NECTIN2: variants seen among roughly 807,000 people sequenced by gnomAD.
NECTIN2 encodes nectin cell adhesion molecule 2, also known as nectin-2.
A neutral mutation model predicts 56.9 loss-of-function variants in NECTIN2; 23 were observed. The ratio of observed to expected loss-of-function variants is 0.40; its 90% CI spans 0.29 to 0.57. The LOEUF (loss-of-function observed/expected upper bound fraction) is 0.57, where lower values mean the gene tolerates loss of function less well. Among genes scored for constraint, NECTIN2 ranks in the 20% least tolerant of loss-of-function variants. The probability of loss-of-function intolerance (pLI) is 0.38; values close to 1 mark genes in which losing one functional copy is unlikely to be tolerated. For missense variants in NECTIN2, 587 were observed against 718.3 expected, an observed-to-expected ratio of 0.82 and a Z score of 2.09; for synonymous variants, 302 against 313.8, an observed-to-expected ratio of 0.96 and a Z score of 0.40.
In NECTIN2 at chr19:44,865,144, TG is replaced by T. The variant is rs1969082259; in HGVS notation, c.89-126del. 9.6e-7 allele frequency: 1 copy of T among 1,038,078 alleles called. No individual in the cohort carries two copies. Among genetic ancestry groups the T allele is most frequent in the Non-Finnish European group, 1.4e-6 (1 of 714,630 alleles). The allele number at this position is 1,038,078 out of a possible 1,614,324, so 64.3% of individuals were successfully genotyped here. A position where few individuals can be genotyped will look rare whatever the true frequency, so the allele number is the denominator to read the frequency against. On this transcript the variant is annotated intron_variant, in intron 1 of 8. Transcript: ENST00000252483. This position sits in a 1 kb window ranked among gnomAD's most constrained non-coding sequence, Gnocchi z 5.2. ...GGTGGCTTTTTTGGAATCAGGATGC[TG>T]CGAAGCTGCCTACGTTGCATGCGGA...
intron 5 of NECTIN2, among the ~76,000 whole-genome samples, chr19:44,879,591 C>T (rs574274805): frequency 6.6e-6 from 1 of 152,168 alleles, no homozygotes; most frequent in East Asian, 1.9e-4. Flanking sequence ...CTGGGAGTGG[C>T]GGCAGCTCCC....
chr19:44,846,676 G>A, intron 1 of NECTIN2, 63 bp downstream of exon 1: 1 of 1,485,124 alleles, frequency 6.7e-7, no homozygotes, highest in Non-Finnish European at 8.9e-7. Flanking sequence ...CTTCCGAGCT[G>A]GGGAAGCCGA....
At chr19:44,858,875 C>A (rs1969000602) in intron 1 of NECTIN2, among the ~76,000 whole-genome samples, 1 of 151,806 alleles carries the variant, frequency 6.6e-6, no homozygotes, top group Admixed American at 6.6e-5. Context: ...ACTCCTGGCC[C>A]CAAGTGAGCC....
intron 2 of NECTIN2, among the ~76,000 whole-genome samples, chr19:44,871,398 C>T (rs1014400348): frequency 2.6e-5 from 4 of 152,062 alleles, no homozygotes; most frequent in Non-Finnish European, 5.9e-5. Context: ...CATGGTGGTG[C>T]ATGCCTATGG....
intron 2 of NECTIN2, among the ~76,000 whole-genome samples, chr19:44,871,231 G>A (rs372163967): frequency 4.6e-5 from 7 of 152,080 alleles, no homozygotes; most frequent in African/African-American, 1.2e-4. Flanking sequence ...CTGGCAGGGC[G>A]AAGAGACAGT....
At chr19:44,861,732 A>C (rs994057847) in intron 1 of NECTIN2, among the ~76,000 whole-genome samples, 1 of 152,236 alleles carries the variant, frequency 6.6e-6, no homozygotes, top group Non-Finnish European at 1.5e-5. Context: ...TCATGCAGCC[A>C]ACAAACATGA....
intron 6 of NECTIN2, among the ~76,000 whole-genome samples, chr19:44,882,955 G>T (rs1052101191): frequency 2.0e-5 from 3 of 151,388 alleles, no homozygotes; most frequent in Non-Finnish European, 2.9e-5. Context: ...CTAATTTTTT[G>T]GATTTTTAGT....
chr19:44,851,622 C>T (rs1019425741), intron 1 of NECTIN2, among the ~76,000 whole-genome samples: 1 of 152,256 alleles, frequency 6.6e-6, no homozygotes, highest in Non-Finnish European at 1.5e-5. Flanking sequence ...CACAGGAAGC[C>T]TGCAGGTGCA....
intron 1 of NECTIN2, among the ~76,000 whole-genome samples, 158 bp downstream of exon 1, chr19:44,846,771 C>A (rs949621650): frequency 6.7e-6 from 1 of 150,358 alleles, no homozygotes; most frequent in Admixed American, 6.6e-5. Context: ...CGACCCCCTA[C>A]ACGTCCGATT....
At chr19:44,855,207 C>T (rs1163828023) in intron 1 of NECTIN2, among the ~76,000 whole-genome samples, 3 of 151,174 alleles carry the variant, frequency 2.0e-5, no homozygotes, top group Admixed American at 6.6e-5. Flanking sequence ...GGGCAGATCA[C>T]GAGGTCAGGA....
chr19:44,864,602 C>A (rs528533043), intron 1 of NECTIN2, among the ~76,000 whole-genome samples: 1 of 152,082 alleles, frequency 6.6e-6, no homozygotes, highest in Non-Finnish European at 1.5e-5. Flanking sequence ...AAGCGGATCA[C>A]GAGGTCAGGA....
chr19:44,857,709 T>TTAATTTC (rs1968982891), intron 1 of NECTIN2, among the ~76,000 whole-genome samples: 1 of 147,272 alleles, frequency 6.8e-6, no homozygotes, highest in African/African-American at 2.5e-5. Context: ...GTTTTTGTTT[T>TTAATTTC]TGTTTTTTTT....
In NECTIN2 at chr19:44,846,589, C is replaced by T; in HGVS notation, c.64C>T (p.Leu22=). The change falls in exon 1 of 9, where the codon CTG becomes TTG. Residue 22 remains leucine, a synonymous_variant. Transcript: ENST00000252483. ...SPPTPLLWPL[L]LLLLLETGAQ... ...GCCGACGCCGCTGCTGTGGCCGCTGCTGCTGCTGCTGCTCCTGGAAACCGG... is the reference window on the plus strand; with the variant it reads ...GCCGACGCCGCTGCTGTGGCCGCTGTTGCTGCTGCTGCTCCTGGAAACCGG... 6.6e-7 allele frequency: 1 copy of T among 1,525,356 alleles called. No homozygotes were observed. The highest frequency in any genetic ancestry group is 8.8e-7 in the Non-Finnish European group (1 of 1,142,822). The allele number at this position is 1,525,356 out of a possible 1,614,324, so 94.5% of individuals were successfully genotyped here.
At chr19:44,864,520 C>T (rs8105340) in intron 1 of NECTIN2, among the ~76,000 whole-genome samples, 138,640 of 152,080 alleles carry the variant, frequency 0.91, 63,372 homozygotes, top group African/African-American at 0.98. Context: ...CATACAAATA[C>T]AGGTAAGAAT....
In NECTIN2 at chr19:44,874,228, G is replaced by C; in HGVS notation, c.894-102G>C. The C allele has an allele frequency of 1.4e-6, 2 of 1,444,226 alleles. No homozygotes were observed. The highest frequency in any genetic ancestry group is 1.9e-6 in the Non-Finnish European group (2 of 1,039,210). The allele number at this position is 1,444,226 out of a possible 1,614,324, so 89.5% of individuals were successfully genotyped here. A position where few individuals can be genotyped will look rare whatever the true frequency, so the allele number is the denominator to read the frequency against. ...AATTTGGGGTCTCCGGGAGTACTTAGGTCCCTGGAGCTTGGCTCCTGGTGG... is the reference window on the plus strand; with the variant it reads ...AATTTGGGGTCTCCGGGAGTACTTACGTCCCTGGAGCTTGGCTCCTGGTGG... On this transcript the variant is annotated intron_variant, in intron 4 of 8. Coordinates refer to ENST00000252483, the MANE Select transcript of NECTIN2 (RefSeq NM_001042724.2). The surrounding 1 kb of genome is among the most constrained non-coding windows in gnomAD (Gnocchi z 6.3).
chr19:44,882,236 G>A lies in NECTIN2; in HGVS notation c.1068G>A (p.Gly356=). The A allele has an allele frequency of 6.5e-7, 1 of 1,529,796 alleles. No individual in the cohort carries two copies. The highest frequency in any genetic ancestry group is 8.8e-7 in the Non-Finnish European group (1 of 1,134,868). The allele number at this position is 1,529,796 out of a possible 1,614,324, so 94.8% of individuals were successfully genotyped here. ...AGACCCCCAACACAGCAGGCGCAGG[G>A]GCCACAGGCGGCATCATCGGGGGCA... ...VRETPNTAGA[G]ATGGIIGGII... Residue 356 remains glycine, a synonymous_variant, in exon 6 of 9, where the codon GGG becomes GGA. Coordinates refer to ENST00000252483, the MANE Select transcript of NECTIN2 (RefSeq NM_001042724.2).
intron 5 of NECTIN2, among the ~76,000 whole-genome samples, chr19:44,881,497 C>T (rs1969307174): frequency 7.2e-6 from 1 of 137,956 alleles, no homozygotes; most frequent in Admixed American, 7.5e-5. Flanking sequence ...GGCAACATGG[C>T]AAAACCCCAT....
intron 1 of NECTIN2, among the ~76,000 whole-genome samples, chr19:44,852,039 G>A (rs994664887): frequency 9.9e-5 from 15 of 151,782 alleles, no homozygotes; most frequent in South Asian, 8.4e-4. Flanking sequence ...GCCATCCTCC[G>A]TCCCCACAGC....
chr19:44,888,068 G>C (rs745696335), intron 8 of NECTIN2, 42 bp from the exon 9 acceptor site: 1 of 1,589,770 alleles, frequency 6.3e-7, no homozygotes, highest in Non-Finnish European at 8.6e-7. Flanking sequence ...TGTGTCGTGC[G>C]TAGGAAGTGA....
Sources: allele counts gnomAD v4.1 joint callset (sites outside exome capture counted in the v4.1 genomes callset), GRCh38; gene constraint gnomAD v4.1.1; non-coding constraint Gnocchi (gnomAD v3.1); transcripts MANE v1.5; gene names NCBI Gene and HGNC (gene_info 2026-07-23, HGNC 2026-07-21).